Variants in SGCZ observed in about 807,000 individuals in gnomAD.
SGCZ encodes sarcoglycan zeta.
A neutral mutation model predicts 41.3 loss-of-function variants in SGCZ; 40 were observed. The ratio of observed to expected loss-of-function variants is 0.97; its 90% CI spans 0.75 to 1.26. SGCZ has a LOEUF of 1.26. Ranked by LOEUF, SGCZ falls within the 50% of genes most tolerant of loss-of-function variation. SGCZ has a pLI of 0.00. For synonymous variants in SGCZ, 206 were observed against 137.5 expected, an observed-to-expected ratio of 1.50 and a Z score of -3.49; for missense variants, 552 against 369.8, an observed-to-expected ratio of 1.49 and a Z score of -4.04.
intron 1 of SGCZ, among the ~76,000 whole-genome samples, chr8:15,024,580 A>C (rs1157238027): frequency 6.6e-6 from 1 of 152,214 alleles, no homozygotes; most frequent in Non-Finnish European, 1.5e-5. Context: ...TGCAGATAAA[A>C]GAAAAAGTAG....
chr8:14,736,622 C>A (rs1181687828), intron 1 of SGCZ, among the ~76,000 whole-genome samples: 1 of 151,974 alleles, frequency 6.6e-6, no homozygotes, highest in African/African-American at 2.4e-5. Flanking sequence ...TTATTCCTCA[C>A]CCCCCTCCCA....
chr8:14,209,401 C>A (rs1017219514), intron 4 of SGCZ, among the ~76,000 whole-genome samples: 2 of 151,828 alleles, frequency 1.3e-5, no homozygotes, highest in African/African-American at 4.8e-5. Flanking sequence ...GTTTTCCTGA[C>A]CTTAATTTTC....
intron 1 of SGCZ, among the ~76,000 whole-genome samples, chr8:15,013,801 A>T (rs374775864): frequency 6.6e-6 from 1 of 152,198 alleles, no homozygotes; most frequent in Non-Finnish European, 1.5e-5. Flanking sequence ...AAAAACACAC[A>T]TACATTTTAC....
intron 1 of SGCZ, among the ~76,000 whole-genome samples, chr8:14,769,045 A>ACACACC (rs1230626194): frequency 6.6e-6 from 1 of 152,042 alleles, no homozygotes; most frequent in Non-Finnish European, 1.5e-5. Context: ...ACACACAAAC[A>ACACACC]CACACCCGTC....
At chr8:14,304,372 T>C (rs962687234) in intron 3 of SGCZ, among the ~76,000 whole-genome samples, 1 of 152,054 alleles carries the variant, frequency 6.6e-6, no homozygotes, top group Non-Finnish European at 1.5e-5. Context: ...GGCAGAAGGA[T>C]TGCTTGAGCC....
chr8:14,470,812 G>C (rs1488525652), intron 2 of SGCZ, among the ~76,000 whole-genome samples: 1 of 152,138 alleles, frequency 6.6e-6, no homozygotes. Context: ...TCCTAGAAAA[G>C]ATTGCTTTGC....
At chr8:14,375,998 G>A (rs745612434) in intron 2 of SGCZ, among the ~76,000 whole-genome samples, 2 of 152,094 alleles carry the variant, frequency 1.3e-5, no homozygotes, top group African/African-American at 2.4e-5. Context: ...GCATAAATAA[G>A]TACAATGATA....
At chr8:14,137,590 C>T (rs4487768) in intron 5 of SGCZ, among the ~76,000 whole-genome samples, 137,695 of 152,136 alleles carry the variant, frequency 0.91, 63,881 homozygotes, top group East Asian at 1. Context: ...TGATTGAAAA[C>T]CAAATAAATG....
chr8:14,401,134 A>G (rs1223759516), intron 2 of SGCZ, among the ~76,000 whole-genome samples: 3 of 152,168 alleles, frequency 2.0e-5, no homozygotes, highest in Non-Finnish European at 2.9e-5. Flanking sequence ...GTAACAGGCA[A>G]CTTTGCTAGA....
intron 2 of SGCZ, among the ~76,000 whole-genome samples, chr8:14,402,425 G>T (rs189370306): frequency 0.02 from 3,004 of 150,806 alleles, 94 homozygotes; most frequent in African/African-American, 0.064. Context: ...GTTTTAGGTC[G>T]AACGTTTAAG....
rs1002090963 is a variant in SGCZ at position 14,256,431 on chromosome 8, C to T, written c.337-18752G>A. On this transcript the variant is annotated intron_variant, in intron 3 of 7. Coordinates refer to ENST00000382080, the MANE Select transcript of SGCZ (RefSeq NM_139167.4). ...GTTAGCACTCTGATCTATCATTCTA[C>T]AAGATACCTAAATATAAAACATTTC... Among the ~76,000 whole-genome samples, 4 of 152,118 alleles carry T rather than the reference C, an allele frequency of 2.6e-5. No homozygotes were observed. In the East Asian group the frequency reaches 5.8e-4, roughly 22 times the overall value.
chr8:14,745,352 A>T (rs1799312450), intron 1 of SGCZ, among the ~76,000 whole-genome samples: 1 of 152,176 alleles, frequency 6.6e-6, no homozygotes. Context: ...TTTGGAAGCT[A>T]GATCTGTATA....
chr8:14,214,785 A>G (rs1404035974), intron 4 of SGCZ, among the ~76,000 whole-genome samples: 1 of 152,164 alleles, frequency 6.6e-6, no homozygotes, highest in African/African-American at 2.4e-5. Context: ...AGGACATTAT[A>G]TAATTATTTT....
chr8:14,688,159 A>G (rs1187288650), intron 1 of SGCZ, among the ~76,000 whole-genome samples: 1 of 152,008 alleles, frequency 6.6e-6, no homozygotes, highest in East Asian at 1.9e-4. Context: ...GTTCACTCTG[A>G]TGGTAGTTTC....
chr8:14,732,844 A>G (rs1360159603), intron 1 of SGCZ, among the ~76,000 whole-genome samples: 1 of 152,202 alleles, frequency 6.6e-6, no homozygotes, highest in African/African-American at 2.4e-5. Flanking sequence ...TATGTACCAC[A>G]TCGTCTTTTA....
chr8:14,629,372 A>G (rs201571031), intron 1 of SGCZ, among the ~76,000 whole-genome samples: 1 of 65,108 alleles, frequency 1.5e-5, no homozygotes, highest in South Asian at 4.5e-4. Flanking sequence ...TTATCTAAAT[A>G]ATGTAAAAAT....
chr8:14,299,262 G>A (rs1028469892), intron 3 of SGCZ, among the ~76,000 whole-genome samples: 1 of 151,898 alleles, frequency 6.6e-6, no homozygotes, highest in African/African-American at 2.4e-5. Context: ...ATTTCAGGTA[G>A]TCAAAGTTTT....
At chr8:14,585,190 G>T (rs1230914543) in intron 1 of SGCZ, among the ~76,000 whole-genome samples, 1 of 152,040 alleles carries the variant, frequency 6.6e-6, no homozygotes, top group Non-Finnish European at 1.5e-5. Flanking sequence ...TTTAGCTTCG[G>T]CGTTAAATGT....
In SGCZ at chr8:14,966,523, G is replaced by A. The variant is rs139608359; in HGVS notation, c.39+271062C>T. ...TACAAAGTCCAGGTATTAATTAAAC[G>A]TAACAAAAATGTATTCCATTTTCAG... On this transcript the variant is annotated intron_variant, in intron 1 of 7. Transcript: ENST00000382080. Among the ~76,000 whole-genome samples, 12 of 152,010 alleles carry A rather than the reference G, an allele frequency of 7.9e-5. No homozygotes were observed. In the East Asian group the frequency reaches 1.4e-3, roughly 17 times the overall value.
Sources: allele counts gnomAD v4.1 joint callset (sites outside exome capture counted in the v4.1 genomes callset), GRCh38; gene constraint gnomAD v4.1.1; transcripts MANE v1.5; gene names NCBI Gene and HGNC (gene_info 2026-07-23, HGNC 2026-07-21).